Variants in ZNF365 observed in about 807,000 individuals in gnomAD.
ZNF365 encodes protein ZNF365.
ZNF365 carries 22 observed loss-of-function variants against 35.0 expected under a neutral mutation model. The ratio of observed to expected loss-of-function variants is 0.63; its 90% confidence interval spans 0.45 to 0.90. The LOEUF is 0.90. Ranked by LOEUF, ZNF365 falls within the 40% of genes least tolerant of loss-of-function variation. ZNF365 has a pLI of 0.00. For synonymous variants in ZNF365, 188 were observed against 196.2 expected (o/e 0.96, Z 0.35); for missense variants, 448 against 500.3 (o/e 0.90, Z 1.00).
At chr10:62,405,934 G>T (rs1432161570), downstream of ZNF365, among the ~76,000 whole-genome samples, 1 of 152,130 alleles carries the variant, frequency 6.6e-6, no homozygotes, top group Non-Finnish European at 1.5e-5. Flanking sequence ...CTTTAAGTGT[G>T]CCTGTAGCTT....
At chr10:62,399,159 T>C (rs557795170) in intron 4 of ZNF365, among the ~76,000 whole-genome samples, 152 of 152,340 alleles carry the variant, frequency 1.0e-3, no homozygotes, top group Admixed American at 1.4e-3. Flanking sequence ...ATCTATGCAG[T>C]GAATTTGTCT....
chr10:62,427,021 G>T (rs1245573446), intron 3 of ZNF365, among the ~76,000 whole-genome samples: 1 of 152,178 alleles, frequency 6.6e-6, no homozygotes, highest in Non-Finnish European at 1.5e-5. Flanking sequence ...TATGACAATG[G>T]TCCCATAAGG....
At chr10:62,385,023 A>G (rs552740122) in intron 2 of ZNF365, among the ~76,000 whole-genome samples, 25 of 152,330 alleles carry the variant, frequency 1.6e-4, no homozygotes, top group African/African-American at 6.0e-4. Context: ...ATATTCCACA[A>G]TTAGTCACTT....
chr10:62,418,984 A>G (rs1353759039), intron 3 of ZNF365, among the ~76,000 whole-genome samples: 1 of 151,920 alleles, frequency 6.6e-6, no homozygotes, highest in Non-Finnish European at 1.5e-5. Flanking sequence ...CAACAATCTT[A>G]CTAATATTAT....
chr10:62,454,322 T>C (rs1840729039), intron 3 of ZNF365, among the ~76,000 whole-genome samples: 1 of 152,192 alleles, frequency 6.6e-6, no homozygotes, highest in Non-Finnish European at 1.5e-5. Context: ...AGACCAGTAA[T>C]TCCCAAACTG....
intron 3 of ZNF365, among the ~76,000 whole-genome samples, chr10:62,435,266 A>G (rs966018808): frequency 3.9e-5 from 6 of 152,190 alleles, no homozygotes; most frequent in Non-Finnish European, 7.3e-5. Flanking sequence ...GGGAGGATAA[A>G]GGACTGACGA....
At chr10:62,403,441 G>A (rs574912500), downstream of ZNF365, among the ~76,000 whole-genome samples, 1 of 152,092 alleles carries the variant, frequency 6.6e-6, no homozygotes, top group Non-Finnish European at 1.5e-5. Context: ...GGCGGATCAC[G>A]AGGTCAGGAG....
intron 3 of ZNF365, among the ~76,000 whole-genome samples, chr10:62,407,999 A>T (rs1387171550): frequency 6.6e-6 from 1 of 152,198 alleles, no homozygotes; most frequent in African/African-American, 2.4e-5. Flanking sequence ...TTGTTACAGC[A>T]GCCATAGAAA....
At chr10:62,471,785 T>G (rs539207899) in intron 4 of ZNF365, among the ~76,000 whole-genome samples, 18 of 152,322 alleles carry the variant, frequency 1.2e-4, no homozygotes, top group African/African-American at 4.1e-4. Flanking sequence ...AACATTATTT[T>G]GAATTTTTAT....
At chr10:62,456,035 C>T (rs1840756286) in intron 3 of ZNF365, among the ~76,000 whole-genome samples, 1 of 152,310 alleles carries the variant, frequency 6.6e-6, no homozygotes, top group African/African-American at 2.4e-5. Context: ...TCCAACTAAA[C>T]TTGCTGCGGT....
intron 3 of ZNF365, among the ~76,000 whole-genome samples, chr10:62,455,285 G>A (rs1840745049): frequency 6.6e-6 from 1 of 152,090 alleles, no homozygotes; most frequent in East Asian, 1.9e-4. Context: ...GCCCAGGAAA[G>A]AGGTCATGAA....
intron 3 of ZNF365, among the ~76,000 whole-genome samples, chr10:62,415,177 C>A (rs1259270734): frequency 6.6e-6 from 1 of 151,736 alleles, no homozygotes; most frequent in Non-Finnish European, 1.5e-5. Context: ...GTTTTTTTTC[C>A]CTCTTGGTTT....
chr10:62,477,050 G>A (rs997713455), intron 4 of ZNF365, among the ~76,000 whole-genome samples: 1 of 152,182 alleles, frequency 6.6e-6, no homozygotes, highest in African/African-American at 2.4e-5. Context: ...CATTTTCTGT[G>A]CCAGATACCA....
chr10:62,382,638 A>G (rs1839459481), intron 2 of ZNF365, among the ~76,000 whole-genome samples: 1 of 152,216 alleles, frequency 6.6e-6, no homozygotes, highest in Non-Finnish European at 1.5e-5. Flanking sequence ...GTTAAGGGCC[A>G]ACAAGAGTAG....
rs1324838902 is a variant in ZNF365 at position 62,399,407 on chromosome 10, G to T, written c.963-121G>T. ...CATATTATGATTTGCCTTTGTGGTA[G>T]CATTATCACCACTGTAGCATGTAGG... On this transcript the variant is annotated intron_variant, in intron 4 of 4. Transcript: ENST00000395254. The T allele has an allele frequency of 2.8e-6, 4 of 1,403,668 alleles. No individual in the cohort carries two copies. The African/African-American group carries it at 5.7e-5, about 20-fold the overall frequency. 87.0% of individuals were successfully genotyped at this position (1,403,668 alleles called of 1,614,324 possible).
chr10:62,477,810 G>A (rs745920109), intron 4 of ZNF365, among the ~76,000 whole-genome samples: 6 of 152,138 alleles, frequency 3.9e-5, no homozygotes, highest in Non-Finnish European at 7.4e-5. Context: ...TCCAGGAATA[G>A]CAAACATCAC....
chr10:62,466,497 C>G (rs1225615231), intron 4 of ZNF365, among the ~76,000 whole-genome samples: 5 of 152,124 alleles, frequency 3.3e-5, no homozygotes, highest in Non-Finnish European at 5.9e-5. Context: ...CCGAGCACAG[C>G]CTGCTGGGCT....
intron 3 of ZNF365, among the ~76,000 whole-genome samples, chr10:62,435,534 A>G (rs1354765137): frequency 6.6e-6 from 1 of 152,190 alleles, no homozygotes; most frequent in Non-Finnish European, 1.5e-5. Context: ...TCAGGAGATT[A>G]AAGGATAACA....
At chr10:62,465,341 C>T (rs189348715) in intron 4 of ZNF365, among the ~76,000 whole-genome samples, 4 of 152,184 alleles carry the variant, frequency 2.6e-5, no homozygotes, top group African/African-American at 9.7e-5. Context: ...TGCAGGCCTG[C>T]AGGTGCCCTT....
Sources: gnomAD v4.1 joint callset for allele counts (sites outside exome capture counted in the v4.1 genomes callset) on GRCh38, gnomAD v4.1.1 for gene constraint, MANE v1.5 for transcripts, NCBI Gene and HGNC (gene_info 2026-07-23, HGNC 2026-07-21) for gene names.